Variants in SENP7 observed in about 807,000 individuals in gnomAD.
The protein encoded by SENP7 is sentrin-specific protease 7.
A neutral mutation model predicts 141.2 loss-of-function variants in SENP7; 64 were observed. The ratio of observed to expected loss-of-function variants is 0.45; its 90% CI spans 0.37 to 0.56. The LOEUF (loss-of-function observed/expected upper bound fraction) is 0.56, where lower values mean the gene tolerates loss of function less well. SENP7 is among the 20% of genes least tolerant of loss of function. The pLI, the probability that SENP7 is intolerant of heterozygous loss-of-function variation, is 0.00. For synonymous variants in SENP7, 382 were observed against 426.4 expected (o/e 0.90, Z 1.28); for missense variants, 1,025 against 1,212.2 (o/e 0.85, Z 2.29).
rs966430183 is a variant in SENP7 at position 101,326,920 on chromosome 3, G to C, written c.3015+746C>G. On this transcript the variant is annotated intron_variant, in intron 23 of 23. Coordinates refer to ENST00000394095, the MANE Select transcript of SENP7 (RefSeq NM_020654.5). Reference sequence around the variant, plus strand: ...CTTTTTTCTCTCTGGGCTATAGCTGGAGTTCACTAATCCTATCTTCTACTG... The same window carrying C: ...CTTTTTTCTCTCTGGGCTATAGCTGCAGTTCACTAATCCTATCTTCTACTG... Among the ~76,000 whole-genome samples, 4 of 150,616 alleles carry C rather than the reference G, an allele frequency of 2.7e-5. No homozygotes were observed. In the East Asian group the frequency reaches 7.8e-4, roughly 29 times the overall value.
Position 101,511,201 on chromosome 3 carries a change from T to C in SENP7, c.40+1890A>G, listed in dbSNP as rs373334527. Among the ~76,000 whole-genome samples the C allele has an allele frequency of 1.2e-4, 19 of 152,312 alleles. 1 individual carries two copies. Among genetic ancestry groups the C allele is most frequent in the African/African-American group, 4.6e-4 (19 of 41,574 alleles). On this transcript the variant is annotated intron_variant, in intron 1 of 23. Transcript: ENST00000394095. The stretch of plus-strand genomic sequence containing the variant: ...ATAACTAACGTAAATATCAATGTCT[T>C]TTAAGGATTAACAGCTTTATTATCA...
At chr3:101,451,612 A>G (rs2063139157) in intron 4 of SENP7, among the ~76,000 whole-genome samples, 3 of 152,186 alleles carry the variant, frequency 2.0e-5, no homozygotes. Context: ...AATGACAAAA[A>G]CCATATGATT....
intron 3 of SENP7, 109 bp downstream of exon 3, chr3:101,493,763 AG>A: frequency 1.6e-6 from 1 of 626,142 alleles, no homozygotes; most frequent in South Asian, 2.9e-5. Context: ...AAATAACACA[AG>A]AAAACCAAAA....
intron 3 of SENP7, among the ~76,000 whole-genome samples, chr3:101,491,214 C>G (rs2064956204): frequency 6.6e-6 from 1 of 151,688 alleles, no homozygotes; most frequent in African/African-American, 2.4e-5. Flanking sequence ...TCTTGAACTC[C>G]TGGGCTCAAA....
intron 11 of SENP7, chr3:101,357,698 G>A: frequency 2.8e-6 from 2 of 708,062 alleles, no homozygotes; most frequent in South Asian, 3.1e-5. Context: ...TGATAAATAT[G>A]TGAAAGTCTC....
At chr3:101,341,234 C>A (rs568057397) in intron 15 of SENP7, among the ~76,000 whole-genome samples, 44 of 152,146 alleles carry the variant, frequency 2.9e-4, no homozygotes, top group African/African-American at 1.0e-3. Flanking sequence ...GAAATATGAA[C>A]AAAGAAGCAA....
intron 6 of SENP7, among the ~76,000 whole-genome samples, chr3:101,389,378 C>A (rs1576191522): frequency 6.6e-6 from 1 of 152,118 alleles, no homozygotes; most frequent in East Asian, 1.9e-4. Context: ...TCAGAGACAA[C>A]AAGAAAATTC....
chr3:101,325,806 T>C lies in SENP7; in HGVS notation c.*137A>G, dbSNP rs2058885059. The C allele has an allele frequency of 1.4e-6, 1 of 720,134 alleles. No individual in the cohort carries two copies. The highest frequency in any genetic ancestry group is 2.1e-6 in the Non-Finnish European group (1 of 471,922). The allele number at this position is 720,134 out of a possible 1,614,324, so 44.6% of individuals were successfully genotyped here. ...CAATTCTAATAATGTGTCCTACATA[T>C]TTTAAATAATGTTCCAATGACTTAT... is the stretch of plus-strand genomic sequence containing the variant. On this transcript the variant is annotated 3_prime_UTR_variant, in exon 24 of 24. Transcript: ENST00000394095.
intron 2 of SENP7, among the ~76,000 whole-genome samples, chr3:101,497,164 G>A (rs756368298): frequency 6.6e-5 from 10 of 152,290 alleles, no homozygotes; most frequent in Admixed American, 2.6e-4. Context: ...AATAAGCCTT[G>A]TGGTGTTGGA....
intron 11 of SENP7, chr3:101,357,685 A>G (rs2059781414): frequency 1.4e-6 from 1 of 727,592 alleles, no homozygotes; most frequent in African/African-American, 1.8e-5. Flanking sequence ...AAATATTTCA[A>G]TGTGATAAAT....
At chr3:101,383,972 C>A (rs564923513) in intron 6 of SENP7, among the ~76,000 whole-genome samples, 1 of 152,328 alleles carries the variant, frequency 6.6e-6, no homozygotes, top group African/African-American at 2.4e-5. Context: ...GCCATGGCTG[C>A]CTATGGACCA....
chr3:101,400,997 C>G (rs2061122700), intron 5 of SENP7, among the ~76,000 whole-genome samples: 1 of 151,804 alleles, frequency 6.6e-6, no homozygotes, highest in South Asian at 2.1e-4. Flanking sequence ...ACTTGGGAAG[C>G]TGAGAGAGGA....
At chr3:101,472,534 G>C (rs1055167975) in intron 3 of SENP7, among the ~76,000 whole-genome samples, 2 of 152,114 alleles carry the variant, frequency 1.3e-5, no homozygotes, top group African/African-American at 4.8e-5. Context: ...ATAGCATTAG[G>C]AGAAATACCT....
chr3:101,494,107 A>G, intron 2 of SENP7, 139 bp from the exon 3 acceptor site: 1 of 430,854 alleles, frequency 2.3e-6, no homozygotes, highest in Non-Finnish European at 4.2e-6. Context: ...CTTAATTTAT[A>G]TACAATTAAA....
intron 2 of SENP7, among the ~76,000 whole-genome samples, chr3:101,497,931 T>G (rs1459136707): frequency 6.6e-6 from 1 of 152,210 alleles, no homozygotes; most frequent in African/African-American, 2.4e-5. Flanking sequence ...GCCTCCCAAG[T>G]AGCTGGGATT....
chr3:101,502,304 T>G (rs1031738464), intron 1 of SENP7, among the ~76,000 whole-genome samples: 10 of 152,170 alleles, frequency 6.6e-5, no homozygotes, highest in Non-Finnish European at 1.5e-4. Context: ...TTTTTTTGTT[T>G]TGTTTTGTTT....
chr3:101,482,326 A>AG (rs2064526187), intron 3 of SENP7, among the ~76,000 whole-genome samples: 3 of 152,064 alleles, frequency 2.0e-5, no homozygotes, highest in African/African-American at 7.2e-5. Context: ...AAAAAAAAAA[A>AG]AAAGAAAGAA....
chr3:101,504,666 G>A (rs963651474), intron 1 of SENP7, among the ~76,000 whole-genome samples: 5 of 152,010 alleles, frequency 3.3e-5, no homozygotes, highest in Non-Finnish European at 5.9e-5. Flanking sequence ...ATACTATTCC[G>A]GAATGAAAAA....
chr3:101,461,939 T>C (rs1365069914), intron 3 of SENP7, among the ~76,000 whole-genome samples: 1 of 152,220 alleles, frequency 6.6e-6, no homozygotes, highest in African/African-American at 2.4e-5. Context: ...ATTCTGTTTT[T>C]GTGAAATATC....
Sources: allele counts gnomAD v4.1 joint callset (sites outside exome capture counted in the v4.1 genomes callset), GRCh38; gene constraint gnomAD v4.1.1; transcripts MANE v1.5; gene names NCBI Gene and HGNC (gene_info 2026-07-23, HGNC 2026-07-21).